The following SPTLC1 variants were observed in gnomAD, a reference collection of about 807,000 sequenced individuals.
The protein encoded by SPTLC1 is serine palmitoyltransferase long chain base subunit 1.
In SPTLC1, 55 loss-of-function variants were observed where a neutral mutation model predicts 68.9. The ratio of observed to expected loss-of-function variants is 0.80; its 90% CI spans 0.64 to 1.00. The LOEUF (loss-of-function observed/expected upper bound fraction) is 1.00, where lower values mean the gene tolerates loss of function less well. SPTLC1 is among the 50% of genes least tolerant of loss of function. The pLI is 0.00. For synonymous variants in SPTLC1, 197 were observed against 201.6 expected (o/e 0.98, Z 0.19); for missense variants, 449 against 573.1 (o/e 0.78, Z 2.21).
chr9:92,058,301 T>G (rs903129346), intron 7 of SPTLC1, among the ~76,000 whole-genome samples: 7 of 151,974 alleles, frequency 4.6e-5, no homozygotes, highest in Non-Finnish European at 7.3e-5. Context: ...AATGCAAATA[T>G]TTGGAAAATT....
chr9:92,065,107 G>A (rs750044775), intron 6 of SPTLC1, among the ~76,000 whole-genome samples: 1 of 152,152 alleles, frequency 6.6e-6, no homozygotes, highest in Non-Finnish European at 1.5e-5. Flanking sequence ...AAGTACAAAG[G>A]ATTTCTATAT....
chr9:92,061,870 A>G (rs983948278), intron 6 of SPTLC1, among the ~76,000 whole-genome samples: 1 of 152,208 alleles, frequency 6.6e-6, no homozygotes, highest in Non-Finnish European at 1.5e-5. Context: ...TTCTAAAAAC[A>G]TGTTCAATTA....
chr9:92,106,844 T>C (rs1401715319), intron 3 of SPTLC1, among the ~76,000 whole-genome samples: 1 of 152,074 alleles, frequency 6.6e-6, no homozygotes, highest in Non-Finnish European at 1.5e-5. Flanking sequence ...GCCCCACATC[T>C]TTCTCCTTCC....
chr9:92,080,676 C>T (rs1834847338), intron 4 of SPTLC1, among the ~76,000 whole-genome samples, 194 bp downstream of exon 4: 1 of 152,152 alleles, frequency 6.6e-6, no homozygotes, highest in Admixed American at 6.5e-5. Context: ...GTAGCTGGGA[C>T]TACAGGCATG....
chr9:92,110,901 C>T (rs954546339), intron 2 of SPTLC1: 10 of 152,192 alleles, frequency 6.6e-5, no homozygotes, highest in Non-Finnish European at 1.3e-4. Context: ...TATACTGTTA[C>T]AATATAACTC....
chr9:92,033,738 G>T (rs1379955706), intron 14 of SPTLC1, among the ~76,000 whole-genome samples: 2 of 152,082 alleles, frequency 1.3e-5, no homozygotes, highest in Non-Finnish European at 1.5e-5. Flanking sequence ...ACAGAGATGG[G>T]GTTTCACCAT....
intron 3 of SPTLC1, among the ~76,000 whole-genome samples, chr9:92,094,663 T>C (rs1034813296): frequency 5.9e-5 from 9 of 152,218 alleles, no homozygotes; most frequent in African/African-American, 1.7e-4. Context: ...ACTAACCTCA[T>C]AGTTTTATCG....
chr9:92,062,203 A>G (rs1354797047), intron 6 of SPTLC1, among the ~76,000 whole-genome samples: 2 of 152,250 alleles, frequency 1.3e-5, no homozygotes, highest in Non-Finnish European at 2.9e-5. Flanking sequence ...ACTTTGGAAG[A>G]AAGAAAATTA....
intron 5 of SPTLC1, among the ~76,000 whole-genome samples, chr9:92,073,732 C>T (rs879455491): frequency 1.1e-4 from 16 of 152,366 alleles, no homozygotes; most frequent in Admixed American, 1.0e-3. Context: ...ACCCTGCCTT[C>T]AAGGTGTTCA....
intron 9 of SPTLC1, among the ~76,000 whole-genome samples, chr9:92,049,483 A>G (rs1344332002): frequency 6.6e-6 from 1 of 150,718 alleles, no homozygotes; most frequent in East Asian, 1.9e-4. Flanking sequence ...GGTGTTTCTG[A>G]CACACACACA....
chr9:92,036,360 T>A (rs192556924), intron 13 of SPTLC1, among the ~76,000 whole-genome samples: 1 of 152,338 alleles, frequency 6.6e-6, no homozygotes, highest in East Asian at 1.9e-4. Context: ...CCGAGTTGCT[T>A]CATTCGCACG....
At chr9:92,079,950 C>A in intron 5 of SPTLC1, 66 bp downstream of exon 5, 1 of 1,403,680 alleles carries the variant, frequency 7.1e-7, no homozygotes, top group South Asian at 1.2e-5. Flanking sequence ...GCCACCATGC[C>A]CAGCCTAAAA....
intron 3 of SPTLC1, among the ~76,000 whole-genome samples, chr9:92,082,765 T>C (rs900535082): frequency 1.2e-4 from 18 of 151,966 alleles, no homozygotes; most frequent in African/African-American, 4.1e-4. Context: ...AGTAATGGGA[T>C]GGCTGGGTCA....
At chr9:92,088,396 T>G (rs956750119) in intron 3 of SPTLC1, among the ~76,000 whole-genome samples, 3 of 152,082 alleles carry the variant, frequency 2.0e-5, no homozygotes, top group Non-Finnish European at 1.5e-5. Flanking sequence ...TTGGCTGCCC[T>G]CCGGGCTTCT....
chr9:92,032,177 G>C lies in SPTLC1; in HGVS notation c.*288C>G. The C allele has an allele frequency of 1.8e-6, 2 of 1,090,216 alleles. No homozygotes were observed. The highest frequency in any genetic ancestry group is 1.7e-5 in the South Asian group (1 of 58,646). 67.5% of individuals were successfully genotyped at this position (1,090,216 alleles called of 1,614,324 possible). A position where few individuals can be genotyped will look rare whatever the true frequency, so the allele number is the denominator to read the frequency against. ...AAAAGAATATAAAATACTAGTATAA[G>C]AAAACATTTAAATAGTACTAAATGC... On this transcript the variant is annotated 3_prime_UTR_variant, in exon 15 of 15. Coordinates refer to ENST00000262554, the MANE Select transcript of SPTLC1 (RefSeq NM_006415.4).
intron 3 of SPTLC1, among the ~76,000 whole-genome samples, chr9:92,103,884 C>T (rs1835853933): frequency 1.3e-5 from 2 of 152,218 alleles, no homozygotes; most frequent in African/African-American, 4.8e-5. Context: ...TCTGGCGGAT[C>T]AGCCCCGCAC....
intron 1 of SPTLC1, among the ~76,000 whole-genome samples, 189 bp from the exon 2 acceptor site, chr9:92,112,751 A>C (rs892307555): frequency 6.6e-6 from 1 of 152,180 alleles, no homozygotes; most frequent in Non-Finnish European, 1.5e-5. Context: ...TCTCCCTCAC[A>C]TGAAAAACCC....
chr9:92,114,289 A>G (rs1405000845), intron 1 of SPTLC1, among the ~76,000 whole-genome samples: 3 of 152,030 alleles, frequency 2.0e-5, no homozygotes, highest in Non-Finnish European at 4.4e-5. Context: ...ATAAAATAAA[A>G]TAAGTTCTTC....
intron 2 of SPTLC1, among the ~76,000 whole-genome samples, 181 bp downstream of exon 2, chr9:92,112,274 A>C (rs1488930166): frequency 6.6e-6 from 1 of 152,196 alleles, no homozygotes; most frequent in Non-Finnish European, 1.5e-5. Flanking sequence ...TCATTTGGGT[A>C]CTGACTTTAT....
Sources: gnomAD v4.1 joint callset for allele counts (sites outside exome capture counted in the v4.1 genomes callset) on GRCh38, gnomAD v4.1.1 for gene constraint, MANE v1.5 for transcripts, NCBI Gene and HGNC (gene_info 2026-07-23, HGNC 2026-07-21) for gene names.